DEPDC5: variants seen among roughly 807,000 people sequenced by gnomAD.
DEPDC5 encodes GATOR1 complex protein DEPDC5.
Under a neutral mutation model 217.3 loss-of-function variants are expected in DEPDC5, and 73 were observed. That is an observed-to-expected ratio of 0.34 (90% CI 0.28 to 0.41). The LOEUF (loss-of-function observed/expected upper bound fraction) is 0.41, where lower values mean the gene tolerates loss of function less well. Among genes scored for constraint, DEPDC5 ranks in the 10% least tolerant of loss-of-function variants. The pLI, the probability that DEPDC5 is intolerant of heterozygous loss-of-function variation, is 1.00. For missense variants in DEPDC5, 1,675 were observed against 2,070.1 expected, an observed-to-expected ratio of 0.81 and a Z score of 3.70; for synonymous variants, 733 against 756.7, an observed-to-expected ratio of 0.97 and a Z score of 0.51.
intron 36 of DEPDC5, 51 bp from the exon 37 acceptor site, chr22:31,876,106 C>A: frequency 6.4e-7 from 1 of 1,559,224 alleles, no homozygotes; most frequent in Non-Finnish European, 8.8e-7. Context: ...GAGGGCTGCC[C>A]CTTCAAGATG....
At chr22:31,885,451 C>T (rs1173857811) in intron 38 of DEPDC5, among the ~76,000 whole-genome samples, 1 of 152,178 alleles carries the variant, frequency 6.6e-6, no homozygotes, top group African/African-American at 2.4e-5. Flanking sequence ...GTGGGCTGGG[C>T]GCGGTGGCTC....
At chr22:31,777,214 C>G (rs1380804657) in intron 7 of DEPDC5, among the ~76,000 whole-genome samples, 1 of 150,026 alleles carries the variant, frequency 6.7e-6, no homozygotes, top group East Asian at 2.0e-4. Flanking sequence ...CCCGCCTCAG[C>G]CTCTCAACGT....
At chr22:31,904,747 T>A (rs568007079) in intron 41 of DEPDC5, among the ~76,000 whole-genome samples, 1 of 152,204 alleles carries the variant, frequency 6.6e-6, no homozygotes, top group East Asian at 1.9e-4. Context: ...AGAGAGGATT[T>A]TGCAAAGGCA....
intron 23 of DEPDC5, among the ~76,000 whole-genome samples, chr22:31,822,485 A>G (rs748595729): frequency 2.1e-4 from 32 of 152,168 alleles, no homozygotes; most frequent in Non-Finnish European, 4.4e-4. Flanking sequence ...CAGGGGTGCC[A>G]GGGTCACAAG....
intron 16 of DEPDC5, 102 bp downstream of exon 16, chr22:31,804,325 G>A (rs191986088): frequency 2.3e-5 from 27 of 1,149,116 alleles, no homozygotes; most frequent in South Asian, 7.8e-5. Flanking sequence ...CCACTTACTC[G>A]AGAGGCTGAA....
chr22:31,791,571 A>C (rs549548168), intron 10 of DEPDC5, among the ~76,000 whole-genome samples: 1 of 150,106 alleles, frequency 6.7e-6, no homozygotes, highest in Non-Finnish European at 1.5e-5. Flanking sequence ...TGGAGGCTGC[A>C]ATGAGCCGAG....
chr22:31,843,898 C>G (rs879442006), intron 29 of DEPDC5, 86 bp downstream of exon 29: 6 of 1,355,106 alleles, frequency 4.4e-6, no homozygotes, highest in Non-Finnish European at 5.9e-6. Context: ...CCCTTTCTCT[C>G]TCTCTCCCTT....
intron 18 of DEPDC5, among the ~76,000 whole-genome samples, chr22:31,807,133 G>A (rs2087642816): frequency 6.6e-6 from 1 of 152,178 alleles, no homozygotes; most frequent in Non-Finnish European, 1.5e-5. Flanking sequence ...AAAAAGTGTG[G>A]TGAAATTGAC....
In DEPDC5 at chr22:31,893,678, A is replaced by C; in HGVS notation, c.4130A>C (p.Asn1377Thr). 1 of 1,613,972 alleles carries C rather than the reference A, an allele frequency of 6.2e-7. No individual in the cohort carries two copies. Among genetic ancestry groups the C allele is most frequent in the Non-Finnish European group, 8.5e-7 (1 of 1,179,966 alleles). ...TGGTGCAGCTGTTATTACCATGGCA[A>C]CTTTTCTCTGAATGCAGCCTTTGAG... The part of the protein sequence containing the change: ...LEWCSCYYHG[N>T]FSLNAAFEIK... The change falls in exon 39 of 43, where the codon AAC becomes ACC. Residue 1377 changes from asparagine to threonine, a missense_variant. Around this residue, in one of 11 missense-constraint regions of DEPDC5, gnomAD observed 182 missense variants for 290.1 expected, o/e 0.63. Transcript: ENST00000651528.
At chr22:31,877,749 C>CAAAAAAAAA (rs136870) in intron 37 of DEPDC5, among the ~76,000 whole-genome samples, 2 of 62,846 alleles carry the variant, frequency 3.2e-5, no homozygotes, top group African/African-American at 1.3e-4. Context: ...GACTCCATCT[C>CAAAAAAAAA]AAAAAAAAAA....
chr22:31,836,898 TC>T, intron 25 of DEPDC5, 73 bp from the exon 26 acceptor site: 1 of 1,286,958 alleles, frequency 7.8e-7, no homozygotes, highest in Non-Finnish European at 1.1e-6. Context: ...TCCCTCCCCT[TC>T]CCTCCCCTGG....
chr22:31,792,487 T>C (rs191202658), intron 11 of DEPDC5, among the ~76,000 whole-genome samples: 71 of 151,424 alleles, frequency 4.7e-4, no homozygotes, highest in Middle Eastern at 3.4e-3. Flanking sequence ...GCACCTGTAG[T>C]CCCAGCTACC....
At chr22:31,835,042 CAG>C (rs1369131170) in intron 25 of DEPDC5, among the ~76,000 whole-genome samples, 1 of 152,140 alleles carries the variant, frequency 6.6e-6, no homozygotes. Flanking sequence ...CCAGTAATCA[CAG>C]AACTTTGGGA....
intron 3 of DEPDC5, among the ~76,000 whole-genome samples, chr22:31,759,473 A>C (rs2082207686): frequency 6.6e-6 from 1 of 150,988 alleles, no homozygotes; most frequent in African/African-American, 2.4e-5. Flanking sequence ...TTCCGGGTTC[A>C]AGCCATTCTC....
chr22:31,788,276 T>TTC (rs2035846479), intron 10 of DEPDC5, among the ~76,000 whole-genome samples: 1 of 138,042 alleles, frequency 7.2e-6, no homozygotes, highest in African/African-American at 2.7e-5. Context: ...TTTTTTTTTT[T>TTC]TTTTTTTTTT....
chr22:31,782,610 T>TGA (rs2084567727), intron 8 of DEPDC5, among the ~76,000 whole-genome samples: 3 of 152,254 alleles, frequency 2.0e-5, no homozygotes, highest in East Asian at 3.9e-4. Flanking sequence ...CTGAGTGTAG[T>TGA]GGAAGTACAA....
rs1173105360 is a variant in DEPDC5 at position 31,766,588 on chromosome 22, G to A, written c.283G>A (p.Val95Met). 2 of 1,613,728 alleles carry A rather than the reference G, an allele frequency of 1.2e-6. No individual in the cohort carries two copies. Among genetic ancestry groups the A allele is most frequent in the South Asian group, 2.2e-5 (2 of 91,002 alleles). ...ATCATTTGATTATTCCTTTTAGGAT[G>A]TGACCCTTGACCTAGTGGAATTAAC... ...VYVNVVDPKD[V>M]TLDLVELTFK... The change falls in exon 6 of 43, where the codon GTG becomes ATG. Residue 95 changes from valine (V) to methionine (M), a missense_variant. Transcript: ENST00000651528.
chr22:31,777,291 C>T (rs1333493692), intron 7 of DEPDC5, among the ~76,000 whole-genome samples: 50 of 148,524 alleles, frequency 3.4e-4, no homozygotes, highest in African/African-American at 1.2e-3. Flanking sequence ...GAGACAGTCT[C>T]GCTCTGTCGC....
rs374035068 is a variant in DEPDC5, at chr22:31,802,512, G to A, written c.947-192G>A. Among the ~76,000 whole-genome samples, 20 of 152,204 alleles carry A rather than the reference G, an allele frequency of 1.3e-4. No individual in the cohort carries two copies. In the South Asian group the frequency reaches 3.5e-3, roughly 27 times the overall value. On this transcript the variant is annotated intron_variant, in intron 14 of 42. Transcript: ENST00000651528. The stretch of plus-strand genomic sequence containing the variant: ...GAGGGGTATTAACAAAGGTGACAGC[G>A]ACTTATTCCTGTGGTCAAGTAGTTC...
Sources: allele counts gnomAD v4.1 joint callset (sites outside exome capture counted in the v4.1 genomes callset), GRCh38; gene constraint gnomAD v4.1.1; regional missense constraint gnomAD v4.1.1; transcripts MANE v1.5; gene names NCBI Gene and HGNC (gene_info 2026-07-23, HGNC 2026-07-21).